Variants in SOX5 observed in about 807,000 individuals in gnomAD.
SOX5 encodes transcription factor SOX-5.
Under a neutral mutation model 92.0 loss-of-function variants are expected in SOX5, and 9 were observed. That is an observed-to-expected ratio of 0.10 (90% CI 0.06 to 0.17). The LOEUF is 0.17. SOX5 is among the 10% of genes least tolerant of loss of function. The pLI is 1.00. For missense variants in SOX5, 642 were observed against 944.5 expected, an observed-to-expected ratio of 0.68 and a Z score of 4.20; for synonymous variants, 344 against 336.3, an observed-to-expected ratio of 1.02 and a Z score of -0.25.
At chr12:24,375,342 G>A (rs990484908) in intron 1 of SOX5, among the ~76,000 whole-genome samples, 6 of 152,008 alleles carry the variant, frequency 3.9e-5, no homozygotes, top group African/African-American at 7.2e-5. Context: ...GGGCCTGAAC[G>A]GGGAAATGGA....
chr12:24,329,606 C>T (rs1440804983), intron 2 of SOX5, among the ~76,000 whole-genome samples: 4 of 152,106 alleles, frequency 2.6e-5, no homozygotes, highest in Non-Finnish European at 4.4e-5. Flanking sequence ...ATTGGTTCTA[C>T]ACTGACAAAG....
intron 2 of SOX5, among the ~76,000 whole-genome samples, chr12:23,868,779 G>C (rs1035807631): frequency 1.6e-4 from 25 of 151,896 alleles, no homozygotes; most frequent in African/African-American, 5.8e-4. Flanking sequence ...ACCAGTATTA[G>C]GCTTTTTTAT....
chr12:23,827,868 C>T (rs753521805), intron 3 of SOX5, among the ~76,000 whole-genome samples: 7 of 152,164 alleles, frequency 4.6e-5, no homozygotes, highest in Non-Finnish European at 1.0e-4. Context: ...GTACCATGTC[C>T]TGCCAGAGCA....
chr12:23,728,810 G>A (rs937425899), intron 6 of SOX5, among the ~76,000 whole-genome samples: 1 of 152,080 alleles, frequency 6.6e-6, no homozygotes, highest in African/African-American at 2.4e-5. Flanking sequence ...AATGAACTGA[G>A]CCAAAACTCG....
intron 4 of SOX5, among the ~76,000 whole-genome samples, chr12:24,176,370 A>T (rs1355733805): frequency 6.6e-6 from 1 of 152,288 alleles, no homozygotes; most frequent in East Asian, 1.9e-4. Context: ...AAATTCAAAG[A>T]TAAAAATGTC....
In SOX5 at chr12:24,076,077, T is replaced by C. The variant is rs565967318; in HGVS notation, c.-2+137266A>G. ...TTTACTTTAAATCCAGCCTGTAGAA[T>C]GAGAGAGTGTTTTTTGTCGTTGGTT... On this transcript the variant is annotated intron_variant, in intron 4 of 4. Coordinates refer to the SOX5 transcript ENST00000446891. 1.6e-3 allele frequency among the ~76,000 whole-genome samples: 243 copies of C among 152,318 alleles called. 2 individuals are homozygous for C. The highest frequency in any genetic ancestry group is 5.3e-3 in the African/African-American group (222 of 41,578).
chr12:24,426,753 C>T (rs1174535589), intron 1 of SOX5, among the ~76,000 whole-genome samples: 1 of 152,178 alleles, frequency 6.6e-6, no homozygotes, highest in Non-Finnish European at 1.5e-5. Flanking sequence ...ACAAGGGTGA[C>T]TGCAAACAAG....
intron 4 of SOX5, among the ~76,000 whole-genome samples, chr12:24,135,436 A>G (rs1348569550): frequency 6.6e-6 from 1 of 152,082 alleles, no homozygotes; most frequent in Non-Finnish European, 1.5e-5. Flanking sequence ...TTGGACTCCA[A>G]CCTCGTTCCT....
chr12:24,390,099 T>C (rs1958834973), intron 1 of SOX5, among the ~76,000 whole-genome samples: 1 of 152,172 alleles, frequency 6.6e-6, no homozygotes, highest in Admixed American at 6.5e-5. Flanking sequence ...CCTCCCCAAG[T>C]TTCTCGTTTT....
Position 24,465,893 on chromosome 12 carries a change from G to T in SOX5, c.-251+96436C>A, listed in dbSNP as rs111506343. 4.0e-3 allele frequency among the ~76,000 whole-genome samples: 614 copies of T among 152,194 alleles called. 4 individuals carry two copies. The highest frequency in any genetic ancestry group is 0.017 in the Middle Eastern group (5 of 294). ...ATCTAACACTATTGCAGACACGAGG[G>T]CTGTCACAGCACTTCCCCATAGATG... On this transcript the variant is annotated intron_variant, in intron 1 of 4. Transcript: ENST00000446891.
At chr12:24,400,615 C>T (rs1961287440) in intron 1 of SOX5, among the ~76,000 whole-genome samples, 1 of 152,218 alleles carries the variant, frequency 6.6e-6, no homozygotes, top group East Asian at 1.9e-4. Flanking sequence ...CCTACTAAGT[C>T]TGGTTTCTTG....
chr12:24,541,748 C>T (rs1005118909), intron 1 of SOX5, among the ~76,000 whole-genome samples: 1 of 151,994 alleles, frequency 6.6e-6, no homozygotes, highest in Non-Finnish European at 1.5e-5. Context: ...GAGAACATAA[C>T]GTGCTGAAAC....
At chr12:23,814,262 T>C (rs1319146890) in intron 3 of SOX5, among the ~76,000 whole-genome samples, 3 of 152,202 alleles carry the variant, frequency 2.0e-5, no homozygotes, top group Non-Finnish European at 4.4e-5. Flanking sequence ...ATGGATTCTC[T>C]TGCATTGCCC....
At chr12:24,335,379 C>T (rs886797673) in intron 2 of SOX5, among the ~76,000 whole-genome samples, 2 of 152,182 alleles carry the variant, frequency 1.3e-5, no homozygotes, top group Non-Finnish European at 2.9e-5. Context: ...ATAACAATCA[C>T]ATTTTAACAA....
chr12:24,279,166 T>C (rs1056495758), intron 2 of SOX5, among the ~76,000 whole-genome samples: 2 of 152,166 alleles, frequency 1.3e-5, no homozygotes, highest in African/African-American at 4.8e-5. Context: ...CAGATTGTAG[T>C]TGGCATATTT....
intron 10 of SOX5, among the ~76,000 whole-genome samples, chr12:23,575,402 C>T (rs1948957313): frequency 6.6e-6 from 1 of 152,176 alleles, no homozygotes; most frequent in African/African-American, 2.4e-5. Flanking sequence ...GTCACTTAGT[C>T]CTCTTTTTAT....
intron 1 of SOX5, among the ~76,000 whole-genome samples, chr12:24,506,753 T>C (rs1048082307): frequency 4.7e-5 from 7 of 149,272 alleles, no homozygotes; most frequent in East Asian, 2.0e-4. Flanking sequence ...CCCTTTCCAA[T>C]GCAACCTGTA....
At chr12:24,413,328 C>T (rs561957928) in intron 1 of SOX5, among the ~76,000 whole-genome samples, 88 of 152,184 alleles carry the variant, frequency 5.8e-4, no homozygotes, top group South Asian at 1.0e-3. Context: ...AGTAACTTTC[C>T]TTGCTCAAAA....
intron 4 of SOX5, among the ~76,000 whole-genome samples, chr12:24,016,043 A>G (rs1339629118): frequency 6.6e-6 from 1 of 152,200 alleles, no homozygotes; most frequent in African/African-American, 2.4e-5. Flanking sequence ...AGAAAGGCCA[A>G]GGCCAACCAG....
Sources: allele counts gnomAD v4.1 joint callset (sites outside exome capture counted in the v4.1 genomes callset), GRCh38; gene constraint gnomAD v4.1.1; transcripts MANE v1.5; gene names NCBI Gene and HGNC (gene_info 2026-07-23, HGNC 2026-07-21).